The following ISYNA1 variants were observed in gnomAD, a reference collection of about 807,000 sequenced individuals.
ISYNA1 encodes MI-1-P synthase.
A neutral mutation model predicts 50.3 loss-of-function variants in ISYNA1; 34 were observed. That is an observed-to-expected ratio of 0.68 (90% CI 0.51 to 0.90). The LOEUF (loss-of-function observed/expected upper bound fraction) is 0.90, where lower values mean the gene tolerates loss of function less well. ISYNA1 is among the 40% of genes least tolerant of loss of function. The probability of loss-of-function intolerance (pLI) is 0.00; values close to 1 mark genes in which losing one functional copy is unlikely to be tolerated. For missense variants in ISYNA1, 718 were observed against 784.8 expected, an observed-to-expected ratio of 0.91 and a Z score of 1.02; for synonymous variants, 396 against 349.9, an observed-to-expected ratio of 1.13 and a Z score of -1.47.
Position 18,437,044 on chromosome 19 carries a change from T to G in ISYNA1, c.344A>C (p.Glu115Ala), listed in dbSNP as rs1600398731. 6.2e-7 allele frequency: 1 copy of G among 1,603,330 alleles called. No individual in the cohort carries two copies. Among genetic ancestry groups the G allele is most frequent in the African/African-American group, 1.4e-5 (1 of 73,722 alleles). ...GAAGGGTACGAACACCTCCTGGCCCTCGGCGTCCAGGCCCAGGCTCACGGT... is the reference window on the plus strand; with the variant it reads ...GAAGGGTACGAACACCTCCTGGCCCGCGGCGTCCAGGCCCAGGCTCACGGT... ...AGTVSLGLDA[E>A]GQEVFVPFSA... Residue 115 changes from glutamate to alanine, a missense_variant, in exon 4 of 11, where the codon GAG becomes GCG. Physicochemically the swap from Glu to Ala is moderately radical, Grantham distance 107. Transcript: ENST00000338128.
chr19:18,437,264 C>G (rs1974097211), intron 3 of ISYNA1, 159 bp from the exon 4 acceptor site: 2 of 1,428,150 alleles, frequency 1.4e-6, no homozygotes, highest in Non-Finnish European at 1.8e-6. Context: ...CCAGGCCCCT[C>G]CCCTGAGACC....
Position 18,434,580 on chromosome 19 carries a change from T to A in ISYNA1, c.*333A>T. ...TTTTGGTAGCTTGTCTCAGATTCCC[T>A]CTTTGGCCTTCTGCCACCACACTCT... On this transcript the variant is annotated 3_prime_UTR_variant, in exon 11 of 11. Transcript: ENST00000338128. 1 of 522,514 alleles carries A rather than the reference T, an allele frequency of 1.9e-6. No individual in the cohort carries two copies. Among genetic ancestry groups the A allele is most frequent in the Non-Finnish European group, 3.4e-6 (1 of 296,776 alleles). 32.4% of individuals were successfully genotyped at this position (522,514 alleles called of 1,614,324 possible).
At chr19:18,436,923 C>G (rs201189874) in intron 4 of ISYNA1, 46 bp from the exon 5 acceptor site, 3 of 1,602,116 alleles carry the variant, frequency 1.9e-6, no homozygotes, top group East Asian at 4.5e-5. Context: ...CTGGGCCCCT[C>G]CAGACCCCAT....
chr19:18,436,431 G>A lies in ISYNA1; in HGVS notation c.658C>T (p.Leu220=). The change falls in exon 6 of 11, where the codon CTG becomes TTG. Residue 220 remains leucine (L), a synonymous_variant. Transcript: ENST00000338128. ...GTCCACAGCACTATGACTTTGTCCAGCCCCGCGCTAGACCGGAAGTCTCGG... is the reference window on the plus strand; with the variant it reads ...GTCCACAGCACTATGACTTTGTCCAACCCCGCGCTAGACCGGAAGTCTCGG... ...DIRDFRSSAG[L]DKVIVLWTAN... 1 of 1,609,966 alleles carries A rather than the reference G, an allele frequency of 6.2e-7. No homozygotes were observed. Among genetic ancestry groups the A allele is most frequent in the Non-Finnish European group, 8.5e-7 (1 of 1,179,842 alleles).
Position 18,437,863 on chromosome 19 carries a change from G to A in ISYNA1, c.117C>T (p.Leu39=). The A allele has an allele frequency of 6.2e-7, 1 of 1,611,806 alleles. No individual in the cohort carries two copies. Among genetic ancestry groups the A allele is most frequent in the Non-Finnish European group, 8.5e-7 (1 of 1,179,784 alleles). The change falls in exon 2 of 11, where the codon CTC becomes CTT. Residue 39 remains leucine, a synonymous_variant. Coordinates refer to ENST00000338128, the MANE Select transcript of ISYNA1 (RefSeq NM_016368.5). ...CTTCCTCAGCCCCCTGGTCCACCTT[G>A]AGAACGCCACCCTCGCGGCTGACGC... ...TTRVSREGGV[L]KVHPTSTRFT... is the part of the protein sequence containing the mutation.
In ISYNA1 at chr19:18,437,547, C is replaced by T. The variant is rs1429230097; in HGVS notation, c.282+52G>A. The stretch of plus-strand genomic sequence containing the variant: ...CCCCCTGCAGGCTCCCGCCCCCGCC[C>T]GCAAGGACTCCCACCAAGCCTCCCT... On this transcript the variant is annotated intron_variant, in intron 3 of 10. Transcript: ENST00000338128. 3.0e-6 allele frequency: 4 copies of T among 1,345,086 alleles called. No homozygotes were observed. The South Asian group carries it at 4.8e-5, about 16-fold the overall frequency. 83.3% of individuals were successfully genotyped at this position (1,345,086 alleles called of 1,614,324 possible). A position where few individuals can be genotyped will look rare whatever the true frequency, so the allele number is the denominator to read the frequency against.
chr19:18,436,514 G>C, intron 5 of ISYNA1, 35 bp from the exon 6 acceptor site: 1 of 1,601,788 alleles, frequency 6.2e-7, no homozygotes. Context: ...GGGGAGGATG[G>C]AGAGGGTGTA....
Position 18,437,112 on chromosome 19 carries a change from G to T in ISYNA1, c.283-7C>A. On this transcript the variant is annotated splice_polypyrimidine_tract_variant and splice_region_variant and intron_variant, in intron 3 of 10. Transcript: ENST00000338128. ...AGCCGTAGTAGTTGGCCTCCTGGGG[G>T]TCAGCAGACACGGCGAGGTGACGGG... is the stretch of plus-strand genomic sequence containing the variant. 1 of 1,570,498 alleles carries T rather than the reference G, an allele frequency of 6.4e-7. No individual in the cohort carries two copies. The highest frequency in any genetic ancestry group is 8.6e-7 in the Non-Finnish European group (1 of 1,159,106).
In ISYNA1 at chr19:18,435,006, C is replaced by T; in HGVS notation, c.1584G>A (p.Leu528=). The change falls in exon 11 of 11, where the codon TTG becomes TTA. Residue 528 remains leucine, a synonymous_variant. Transcript: ENST00000338128. ...VGPVAATYPM[L]NKKGPVPAAT... ...CAGCGGGTACCGGTCCTTTCTTGTT[C>T]AACATAGGGTAGGTGGCAGCCACGG... is the stretch of plus-strand genomic sequence containing the variant. 1 of 1,613,528 alleles carries T rather than the reference C, an allele frequency of 6.2e-7. No homozygotes were observed. The highest frequency in any genetic ancestry group is 8.5e-7 in the Non-Finnish European group (1 of 1,180,014).
chr19:18,437,454 TC>T, intron 3 of ISYNA1, 144 bp downstream of exon 3: 1 of 833,804 alleles, frequency 1.2e-6, no homozygotes, highest in Non-Finnish European at 1.5e-6. Flanking sequence ...GGCAGGTCCC[TC>T]GCCCCTGCAG....
In ISYNA1 at chr19:18,436,053, G is replaced by T; in HGVS notation, c.954C>A (p.Phe318Leu). The change falls in exon 7 of 11, where the codon TTC becomes TTA. Residue 318 changes from phenylalanine (F) to leucine (L), a missense_variant. By Grantham distance (22) the Phe-to-Leu change is conservative (BLOSUM62 0). Coordinates refer to ENST00000338128, the MANE Select transcript of ISYNA1 (RefSeq NM_016368.5). ...QTKVKSVLVD[F>L]LIGSGLKTMS... is the part of the protein sequence containing the mutation. ...GCACCTTGAGGCCGGAGCCAATGAG[G>T]AAGTCCACAAGCACGGACTTGACTT... 1.9e-6 allele frequency: 3 copies of T among 1,613,402 alleles called. No homozygotes were observed. The highest frequency in any genetic ancestry group is 2.5e-6 in the Non-Finnish European group (3 of 1,179,956).
intron 10 of ISYNA1, 27 bp from the exon 11 acceptor site, chr19:18,435,144 G>C: frequency 6.2e-7 from 1 of 1,610,730 alleles, no homozygotes; most frequent in Non-Finnish European, 8.5e-7. Flanking sequence ...GCTTAGCAGA[G>C]CCAGACACCC....
In ISYNA1 at chr19:18,434,834, C is replaced by T; in HGVS notation, c.*79G>A. 1 of 1,248,408 alleles carries T rather than the reference C, an allele frequency of 8.0e-7. No individual in the cohort carries two copies. Among genetic ancestry groups the T allele is most frequent in the Non-Finnish European group, 1.2e-6 (1 of 858,442 alleles). The allele number at this position is 1,248,408 out of a possible 1,614,324, so 77.3% of individuals were successfully genotyped here. On this transcript the variant is annotated 3_prime_UTR_variant, in exon 11 of 11. Transcript: ENST00000338128. ...TGGAAGGAGGGCTGAGTGGCAGCGC[C>T]TTTATTTGTGGGGGCCTTCAAGGTA...
rs1471388264 is a variant in ISYNA1, at chr19:18,434,969, A to G, written c.1621T>C (p.Cys541Arg). The G allele has an allele frequency of 6.2e-7, 1 of 1,613,532 alleles. No homozygotes were observed. The highest frequency in any genetic ancestry group is 2.2e-5 in the East Asian group (1 of 44,882). Residue 541 changes from cysteine to arginine, a missense_variant, in exon 11 of 11, where the codon TGC becomes CGC. Cys to Arg is a radical substitution (Grantham distance 180). Around this residue, in one of 3 missense-constraint regions of ISYNA1, gnomAD observed 305 missense variants for 292.6 expected, o/e 1.04. Coordinates refer to ENST00000338128, the MANE Select transcript of ISYNA1 (RefSeq NM_016368.5). ...AGATGCCCATTGGCATCACCGGTGCAGCCATTGGTGGCAGCGGGTACCGGT... is the reference window on the plus strand; with the variant it reads ...AGATGCCCATTGGCATCACCGGTGCGGCCATTGGTGGCAGCGGGTACCGGT... ...KGPVPAATNGCTGDANGHLQE... is the reference protein window; with the variant it reads ...KGPVPAATNGRTGDANGHLQE...
chr19:18,435,777 C>T lies in ISYNA1; in HGVS notation c.1120G>A (p.Gly374Ser), dbSNP rs150073676. The T allele has an allele frequency of 2.3e-5, 37 of 1,613,412 alleles. No homozygotes were observed. In the African/African-American group the frequency reaches 3.3e-4, roughly 15 times the overall value. Reference protein sequence around the residue: ...VQSNPVLYTPGEEPDHCVVIK... With the variant: ...VQSNPVLYTPSEEPDHCVVIK... ...CGCACGCAGTGGTCAGGCTCTTCGC[C>T]GGGCGTATAGAGCACTGGGTTGCTC... Residue 374 changes from glycine to serine, a missense_variant, in exon 8 of 11, where the codon GGC becomes AGC. Transcript: ENST00000338128.
Position 18,437,585 on chromosome 19 carries a change from C to T in ISYNA1, c.282+14G>A, listed in dbSNP as rs770342358. On this transcript the variant is annotated intron_variant, in intron 3 of 10. Coordinates refer to ENST00000338128, the MANE Select transcript of ISYNA1 (RefSeq NM_016368.5). Reference sequence around the variant, plus strand: ...ACCAAGCCTCCCTACCCACCACGCCCCTCCCGCCCCCACCTTGCGGCCGCT... The same window carrying T: ...ACCAAGCCTCCCTACCCACCACGCCTCTCCCGCCCCCACCTTGCGGCCGCT... The T allele has an allele frequency of 8.5e-5, 124 of 1,455,984 alleles. No individual in the cohort carries two copies. Among genetic ancestry groups the T allele is most frequent in the Middle Eastern group, 2.1e-4 (1 of 4,794 alleles). The allele number at this position is 1,455,984 out of a possible 1,614,324, so 90.2% of individuals were successfully genotyped here.
Position 18,436,444 on chromosome 19 carries a change from C to A in ISYNA1, c.645G>T (p.Arg215=). The change falls in exon 6 of 11, where the codon CGG becomes CGT. Residue 215 remains arginine, a synonymous_variant. Coordinates refer to ENST00000338128, the MANE Select transcript of ISYNA1 (RefSeq NM_016368.5). ...EQIRRDIRDF[R]SSAGLDKVIV... is the part of the protein sequence containing the mutation. ...TGACTTTGTCCAGCCCCGCGCTAGA[C>A]CGGAAGTCTCGGATGTCCCTGCGGA... is the stretch of plus-strand genomic sequence containing the variant. The A allele has an allele frequency of 6.2e-7, 1 of 1,608,486 alleles. No homozygotes were observed. Among genetic ancestry groups the A allele is most frequent in the Non-Finnish European group, 8.5e-7 (1 of 1,179,864 alleles).
rs781083299 is a variant in ISYNA1, at chr19:18,435,429, A to G, written c.1309T>C (p.Cys437Arg). The G allele has an allele frequency of 1.1e-5, 18 of 1,610,550 alleles. No individual in the cohort carries two copies. Among genetic ancestry groups the G allele is most frequent in the Non-Finnish European group, 1.5e-5 (18 of 1,179,908 alleles). ...MLDLALLTEL[C>R]QRVSFCTDMD... is the part of the protein sequence containing the mutation. ...TCAGTGCAGAAGCTCACGCGCTGGC[A>G]CAGCTCGGTCAGCAGCGCTAGGTCC... Residue 437 changes from cysteine to arginine, a missense_variant, in exon 10 of 11, where the codon TGC becomes CGC. Around this residue, in one of 3 missense-constraint regions of ISYNA1, gnomAD observed 305 missense variants for 292.6 expected, o/e 1.04. Transcript: ENST00000338128.
rs1212997290 is a variant in ISYNA1, at chr19:18,436,894, A to C, written c.416-17T>G. 7.5e-6 allele frequency: 12 copies of C among 1,594,632 alleles called. No homozygotes were observed. The highest frequency in any genetic ancestry group is 1.8e-5 in the Admixed American group (1 of 55,600). On this transcript the variant is annotated splice_polypyrimidine_tract_variant and intron_variant, in intron 4 of 10. Transcript: ENST00000338128. Reference sequence around the variant, plus strand: ...TGTCCCAGCCTGGGGGGACCCTCACACTCGGCCCTGCCCGGATCCTGGGCC... The same window carrying C: ...TGTCCCAGCCTGGGGGGACCCTCACCCTCGGCCCTGCCCGGATCCTGGGCC...
Sources: gnomAD v4.1 joint callset for allele counts on GRCh38, gnomAD v4.1.1 for gene constraint, gnomAD v4.1.1 regional missense constraint, MANE v1.5 for transcripts, NCBI Gene and HGNC (gene_info 2026-07-23, HGNC 2026-07-21) for gene names.